SERPINI1: variants seen among roughly 807,000 people sequenced by gnomAD.
SERPINI1 encodes the protein serpin family I member 1.
SERPINI1 carries 19 observed loss-of-function variants against 41.1 expected under a neutral mutation model. The observed-to-expected ratio is 0.46, with a 90% confidence interval of 0.32 to 0.68. The LOEUF is 0.68. SERPINI1 is among the 30% of genes least tolerant of loss of function. The pLI, the probability that SERPINI1 is intolerant of heterozygous loss-of-function variation, is 0.03. For missense variants in SERPINI1, 460 were observed against 479.2 expected (o/e 0.96, Z 0.37); for synonymous variants, 138 against 156.6 (o/e 0.88, Z 0.89).
At chr3:167,815,089 C>T (rs1712032065) in intron 6 of SERPINI1, among the ~76,000 whole-genome samples, 1 of 152,098 alleles carries the variant, frequency 6.6e-6, no homozygotes, top group Admixed American at 6.5e-5. Context: ...TACCTGGTAC[C>T]CGGCAGTGTG....
intron 1 of SERPINI1, among the ~76,000 whole-genome samples, chr3:167,759,260 AT>A (rs895862668): frequency 5.9e-5 from 9 of 151,474 alleles, no homozygotes; most frequent in African/African-American, 1.5e-4. Context: ...CTGACTACAG[AT>A]TTTTTTTTAC....
At chr3:167,759,974 T>A (rs1423818198) in intron 1 of SERPINI1, among the ~76,000 whole-genome samples, 3 of 152,202 alleles carry the variant, frequency 2.0e-5, no homozygotes, top group Non-Finnish European at 2.9e-5. Flanking sequence ...TATATGTATG[T>A]ACGTATGTAT....
intron 1 of SERPINI1, among the ~76,000 whole-genome samples, chr3:167,747,222 A>G (rs911149209): frequency 1.3e-5 from 2 of 152,234 alleles, no homozygotes; most frequent in African/African-American, 4.8e-5. Flanking sequence ...GACACAAAGT[A>G]GATTACTAGT....
intron 1 of SERPINI1, 140 bp downstream of exon 1, chr3:167,735,963 A>G (rs1475904014): frequency 1.3e-5 from 2 of 152,176 alleles, no homozygotes; most frequent in Admixed American, 6.5e-5. Context: ...AAAGATTTAC[A>G]TTTTTCGACT....
intron 3 of SERPINI1, among the ~76,000 whole-genome samples, chr3:167,791,453 A>G (rs1386700058): frequency 6.6e-6 from 1 of 152,192 alleles, no homozygotes; most frequent in Non-Finnish European, 1.5e-5. Context: ...GAGAGAATAC[A>G]GAGCAAATTT....
In SERPINI1 at chr3:167,740,166, A is replaced by G. The variant is rs56935072; in HGVS notation, c.-19+4343A>G. 8.3e-3 allele frequency among the ~76,000 whole-genome samples: 1,269 copies of G among 152,070 alleles called. 100 individuals carry two copies. The East Asian group carries it at 0.18, about 21-fold the overall frequency. ...TCACACCGCAGACTCCCCAGTAGCT[A>G]AGACTACAGGCAAGAACCACCATGC... On this transcript the variant is annotated intron_variant, in intron 1 of 8. Coordinates refer to ENST00000446050, the MANE Select transcript of SERPINI1 (RefSeq NM_001122752.2).
At chr3:167,737,507 A>G (rs1158552435) in intron 1 of SERPINI1, among the ~76,000 whole-genome samples, 1 of 152,068 alleles carries the variant, frequency 6.6e-6, no homozygotes, top group African/African-American at 2.4e-5. Context: ...TATTAGGGTG[A>G]CACATGGAAA....
At chr3:167,793,871 T>TGTGG (rs1727627317) in intron 4 of SERPINI1, among the ~76,000 whole-genome samples, 1 of 151,034 alleles carries the variant, frequency 6.6e-6, no homozygotes, top group Non-Finnish European at 1.5e-5. Context: ...TGTGTGTGTG[T>TGTGG]TAATTTGGCT....
chr3:167,822,862 C>T, intron 6 of SERPINI1, 124 bp from the exon 7 acceptor site: 2 of 661,442 alleles, frequency 3.0e-6, no homozygotes, highest in Admixed American at 2.5e-5. Flanking sequence ...AATCTTTTAA[C>T]ATTATCTCCT....
At chr3:167,748,162 T>C (rs936899308) in intron 1 of SERPINI1, among the ~76,000 whole-genome samples, 5 of 152,032 alleles carry the variant, frequency 3.3e-5, no homozygotes, top group African/African-American at 9.7e-5. Flanking sequence ...ATTGCAGTTA[T>C]CAACAGCTTT....
At chr3:167,746,967 C>T (rs1449499328) in intron 1 of SERPINI1, among the ~76,000 whole-genome samples, 5 of 152,166 alleles carry the variant, frequency 3.3e-5, no homozygotes, top group African/African-American at 1.2e-4. Context: ...TTTGTCTACA[C>T]AAAAACATCC....
intron 1 of SERPINI1, among the ~76,000 whole-genome samples, chr3:167,775,039 T>C (rs1008052875): frequency 6.6e-6 from 1 of 152,018 alleles, no homozygotes; most frequent in Non-Finnish European, 1.5e-5. Flanking sequence ...TATCCTGCTG[T>C]CCTGTATTAA....
chr3:167,753,958 C>A (rs535559498), intron 1 of SERPINI1, among the ~76,000 whole-genome samples: 1 of 152,118 alleles, frequency 6.6e-6, no homozygotes, highest in Non-Finnish European at 1.5e-5. Context: ...ATTTTAAAGG[C>A]ATTTGCTAGC....
rs1206445174 is a variant in SERPINI1 at position 167,774,395 on chromosome 3, A to G, written c.-18-14716A>G. 2.6e-5 allele frequency among the ~76,000 whole-genome samples: 4 copies of G among 152,228 alleles called. 1 individual carries two copies. The highest frequency in any genetic ancestry group is 5.9e-5 in the Non-Finnish European group (4 of 68,040). ...GAGAAAATTATGGTTATTGGCCAAG[A>G]TAAAAGTGTATCTGCATGGCTTCAG... On this transcript the variant is annotated intron_variant, in intron 1 of 8. Coordinates refer to ENST00000446050, the MANE Select transcript of SERPINI1 (RefSeq NM_001122752.2).
intron 1 of SERPINI1, among the ~76,000 whole-genome samples, chr3:167,754,493 G>A (rs781136145): frequency 1.3e-5 from 2 of 152,076 alleles, no homozygotes; most frequent in Admixed American, 6.5e-5. Context: ...GCTTTCTTTA[G>A]TATATGTACA....
At position 167,822,976 on chromosome 3, in the gene SERPINI1, CTT is replaced by C; in HGVS notation, c.980-6_980-5del. On this transcript the variant is annotated splice_polypyrimidine_tract_variant and splice_region_variant and intron_variant, in intron 6 of 8. Coordinates refer to ENST00000446050, the MANE Select transcript of SERPINI1 (RefSeq NM_001122752.2). ...ATGAAAAAAAAAAATTTCTGATTCT[CTT>C]TTTGCAGATAATAAGGAGATTTTTC... 1 of 1,554,326 alleles carries C rather than the reference CTT, an allele frequency of 6.4e-7. No homozygotes were observed. The highest frequency in any genetic ancestry group is 2.2e-5 in the East Asian group (1 of 44,538).
rs57003321 is a variant in SERPINI1, at chr3:167,760,561, TTGTGTGTGTGTGTGTGTGTGTGTGTGTG to T, written c.-19+24760_-19+24787del. Among the ~76,000 whole-genome samples the T allele has an allele frequency of 4.6e-4, 65 of 140,606 alleles. 1 individual carries two copies. The highest frequency in any genetic ancestry group is 2.6e-3 in the Admixed American group (36 of 13,786). 92.2% of individuals were successfully genotyped at this position (140,606 alleles called of 152,430 possible). A position where few individuals can be genotyped will look rare whatever the true frequency, so the allele number is the denominator to read the frequency against. ...TCAGTTCTGGAAGCCTGGCTCCAAATTGTGTGTGTGTGTGTGTGTGTGTGTGTGTGTGTGTGTGTGTGTGTGTGTCTTA... is the reference window on the plus strand; with the variant it reads ...TCAGTTCTGGAAGCCTGGCTCCAAATTGTGTGTGTGTGTGTGTGTGTCTTA... On this transcript the variant is annotated intron_variant, in intron 1 of 8. Coordinates refer to ENST00000446050, the MANE Select transcript of SERPINI1 (RefSeq NM_001122752.2).
chr3:167,763,654 T>A (rs544664121), intron 1 of SERPINI1, among the ~76,000 whole-genome samples: 1 of 152,300 alleles, frequency 6.6e-6, no homozygotes, highest in Admixed American at 6.5e-5. Context: ...CAGCTCGTTT[T>A]CCACACTTGA....
intron 5 of SERPINI1, among the ~76,000 whole-genome samples, chr3:167,806,862 A>T (rs572861361): frequency 2.8e-4 from 42 of 152,228 alleles, no homozygotes; most frequent in Admixed American, 5.2e-4. Flanking sequence ...GCTTAAAAAA[A>T]AAAATAAAAT....
Sources: allele counts gnomAD v4.1 joint callset (sites outside exome capture counted in the v4.1 genomes callset), GRCh38; gene constraint gnomAD v4.1.1; transcripts MANE v1.5; gene names NCBI Gene and HGNC (gene_info 2026-07-23, HGNC 2026-07-21).